TMTC2: variants seen among roughly 807,000 people sequenced by gnomAD.
The protein encoded by TMTC2 is protein O-mannosyl-transferase TMTC2.
Under a neutral mutation model 82.4 loss-of-function variants are expected in TMTC2, and 43 were observed. That is an observed-to-expected ratio of 0.52 (90% CI 0.41 to 0.67). The LOEUF (loss-of-function observed/expected upper bound fraction) is 0.67. Ranked by LOEUF, TMTC2 falls within the 30% of genes least tolerant of loss-of-function variation. TMTC2 has a pLI of 0.00. For missense variants in TMTC2, 919 were observed against 1,012.4 expected, an observed-to-expected ratio of 0.91 and a Z score of 1.25; for synonymous variants, 408 against 381.9, an observed-to-expected ratio of 1.07 and a Z score of -0.80.
At chr12:82,876,103 G>GTGGTGGTGGTGGTGGTGGTATTAGTAA (rs1565788890) in intron 2 of TMTC2, among the ~76,000 whole-genome samples, 6 of 143,372 alleles carry the variant, frequency 4.2e-5, no homozygotes, top group Admixed American at 7.0e-5. Context: ...CATAATGGTG[G>GTGGTGGTGGTGGTGGTGGTATTAGTAA]TGGTGGTGGT....
At chr12:83,108,091 C>T (rs554411363) in intron 11 of TMTC2, among the ~76,000 whole-genome samples, 6 of 152,204 alleles carry the variant, frequency 3.9e-5, no homozygotes, top group Admixed American at 3.3e-4. Flanking sequence ...TTCCTGAGGC[C>T]TCCCCAGCCG....
At chr12:82,946,367 C>A (rs150112623) in intron 4 of TMTC2, among the ~76,000 whole-genome samples, 6 of 152,234 alleles carry the variant, frequency 3.9e-5, no homozygotes, top group African/African-American at 1.4e-4. Context: ...TCCTTAAATT[C>A]CTCATGTGTG....
At chr12:83,039,205 T>C (rs994874272) in intron 9 of TMTC2, among the ~76,000 whole-genome samples, 3 of 152,134 alleles carry the variant, frequency 2.0e-5, no homozygotes, top group South Asian at 2.1e-4. Flanking sequence ...AGTGCTAGGA[T>C]TACAGGCGTA....
intron 4 of TMTC2, among the ~76,000 whole-genome samples, chr12:82,931,257 T>C (rs934159893): frequency 2.0e-5 from 3 of 152,140 alleles, no homozygotes; most frequent in Admixed American, 6.5e-5. Flanking sequence ...AAAATTGCTG[T>C]ATCAAAGTAT....
chr12:83,099,760 G>T (rs1285504469), intron 11 of TMTC2, among the ~76,000 whole-genome samples: 1 of 151,038 alleles, frequency 6.6e-6, no homozygotes, highest in Non-Finnish European at 1.5e-5. Flanking sequence ...CCAATTTTGG[G>T]TAACCTTACC....
intron 2 of TMTC2, among the ~76,000 whole-genome samples, chr12:82,872,942 G>C (rs73360228): frequency 0.046 from 7,035 of 152,148 alleles, 549 homozygotes; most frequent in African/African-American, 0.16. Context: ...CAATAAGAAA[G>C]ACTTAGTATT....
At chr12:82,755,113 T>C (rs898071198) in intron 1 of TMTC2, among the ~76,000 whole-genome samples, 5 of 152,248 alleles carry the variant, frequency 3.3e-5, no homozygotes, top group Non-Finnish European at 7.3e-5. Flanking sequence ...AGGGAAAAGT[T>C]CTTCAAATTC....
In TMTC2 at chr12:82,970,638, A is replaced by G. The variant is rs554149420; in HGVS notation, c.1948+3641A>G. Among the ~76,000 whole-genome samples, 86 of 152,300 alleles carry G rather than the reference A, an allele frequency of 5.6e-4. 1 individual carries two copies. The highest frequency in any genetic ancestry group is 2.0e-3 in the African/African-American group (83 of 41,570). ...GTGAGCCACCGCGCCCGGCCTCCTTAGGCTTTTAAACTCCAAAAGTTGATT... is the reference window on the plus strand; with the variant it reads ...GTGAGCCACCGCGCCCGGCCTCCTTGGGCTTTTAAACTCCAAAAGTTGATT... On this transcript the variant is annotated intron_variant, in intron 7 of 11. Coordinates refer to ENST00000321196, the MANE Select transcript of TMTC2 (RefSeq NM_152588.3).
At chr12:82,877,063 T>A (rs2137149061) in intron 2 of TMTC2, among the ~76,000 whole-genome samples, 1 of 152,326 alleles carries the variant, frequency 6.6e-6, no homozygotes, top group African/African-American at 2.4e-5. Flanking sequence ...ACTAATTTTT[T>A]TTTTTAAATA....
chr12:83,032,177 G>A (rs1017304806), intron 9 of TMTC2, among the ~76,000 whole-genome samples: 1 of 149,188 alleles, frequency 6.7e-6, no homozygotes, highest in Non-Finnish European at 1.5e-5. Flanking sequence ...ACTATCTGCT[G>A]TCTGCATTTC....
intron 11 of TMTC2, among the ~76,000 whole-genome samples, chr12:83,074,639 G>T (rs1883224654): frequency 6.6e-6 from 1 of 151,922 alleles, no homozygotes; most frequent in Non-Finnish European, 1.5e-5. Flanking sequence ...GCAGTCACAG[G>T]CCTCACCCAG....
intron 1 of TMTC2, among the ~76,000 whole-genome samples, chr12:82,836,675 T>C (rs6539694): frequency 0.12 from 18,952 of 152,126 alleles, 2,359 homozygotes; most frequent in African/African-American, 0.32. Flanking sequence ...TTTGTGTTTG[T>C]TTATCACTAA....
At chr12:82,880,536 GATTCCAGTCAGTTA>G (rs1453556820) in intron 2 of TMTC2, among the ~76,000 whole-genome samples, 2 of 152,200 alleles carry the variant, frequency 1.3e-5, no homozygotes, top group Non-Finnish European at 2.9e-5. Context: ...AGAAGCCAGA[GATTCCAGTCAGTTA>G]ACCGGTCCCT....
chr12:82,896,898 C>G (rs1873718155), intron 3 of TMTC2, among the ~76,000 whole-genome samples: 2 of 151,998 alleles, frequency 1.3e-5, no homozygotes, highest in Non-Finnish European at 2.9e-5. Flanking sequence ...AGAATTAGAG[C>G]TCCTGTTGTG....
At chr12:82,797,906 G>A (rs1183171205) in intron 1 of TMTC2, among the ~76,000 whole-genome samples, 4 of 150,222 alleles carry the variant, frequency 2.7e-5, no homozygotes, top group South Asian at 2.1e-4. Flanking sequence ...TGCTTTTTTA[G>A]AGTAGTAATT....
At chr12:82,846,345 G>A (rs931688273) in intron 1 of TMTC2, among the ~76,000 whole-genome samples, 2 of 151,958 alleles carry the variant, frequency 1.3e-5, no homozygotes, top group Non-Finnish European at 2.9e-5. Context: ...GCAACAGAAC[G>A]AGACTCTGTC....
intron 2 of TMTC2, among the ~76,000 whole-genome samples, chr12:82,893,369 CAAAAAA>C (rs71443447): frequency 0.027 from 3,285 of 122,664 alleles, 137 homozygotes; most frequent in African/African-American, 0.092. Flanking sequence ...GACTCTATCT[CAAAAAA>C]AAAAAAAAAG....
intron 8 of TMTC2, among the ~76,000 whole-genome samples, chr12:83,026,367 T>C (rs1881176880): frequency 1.3e-5 from 2 of 152,108 alleles, no homozygotes; most frequent in African/African-American, 4.8e-5. Flanking sequence ...TATTTCTTAT[T>C]ATAAATTGAA....
chr12:82,852,259 G>A (rs1344607108), intron 1 of TMTC2, among the ~76,000 whole-genome samples: 1 of 151,840 alleles, frequency 6.6e-6, no homozygotes, highest in African/African-American at 2.4e-5. Flanking sequence ...CCGCCACCAC[G>A]CCCGGCTAAT....
Sources: gnomAD v4.1 joint callset for allele counts (sites outside exome capture counted in the v4.1 genomes callset) on GRCh38, gnomAD v4.1.1 for gene constraint, MANE v1.5 for transcripts, NCBI Gene and HGNC (gene_info 2026-07-23, HGNC 2026-07-21) for gene names.